DAB1: variants seen among roughly 807,000 people sequenced by gnomAD.
DAB1 encodes disabled homolog 1.
In DAB1, 15 loss-of-function variants were observed where a neutral mutation model predicts 64.6. That is an observed-to-expected ratio of 0.23 (90% CI 0.16 to 0.36). The LOEUF (loss-of-function observed/expected upper bound fraction) is 0.36, where lower values mean the gene tolerates loss of function less well. DAB1 is among the 10% of genes least tolerant of loss of function. DAB1 has a pLI of 1.00. For synonymous variants in DAB1, 235 were observed against 251.9 expected (o/e 0.93, Z 0.64); for missense variants, 596 against 706.7 (o/e 0.84, Z 1.78).
intron 6 of DAB1, among the ~76,000 whole-genome samples, chr1:57,811,009 A>G (rs1651592321): frequency 6.6e-6 from 1 of 152,192 alleles, no homozygotes; most frequent in African/African-American, 2.4e-5. Flanking sequence ...CTCTGGCCAC[A>G]TCGCTCCAAT....
intron 2 of DAB1, among the ~76,000 whole-genome samples, chr1:57,238,661 G>C (rs1668267000): frequency 6.6e-6 from 1 of 152,116 alleles, no homozygotes; most frequent in Non-Finnish European, 1.5e-5. Context: ...TTAAGCCCTA[G>C]TTAATCCCTT....
At chr1:57,596,911 T>G (rs1217533634) in intron 7 of DAB1, among the ~76,000 whole-genome samples, 1 of 152,214 alleles carries the variant, frequency 6.6e-6, no homozygotes, top group Non-Finnish European at 1.5e-5. Context: ...GCCCATTAAT[T>G]ACTAATTACC....
intron 6 of DAB1, among the ~76,000 whole-genome samples, chr1:57,753,615 G>A (rs1350595787): frequency 3.3e-5 from 5 of 152,174 alleles, no homozygotes; most frequent in Non-Finnish European, 5.9e-5. Context: ...CTGGTAGACT[G>A]TTTATCTACA....
In DAB1 at chr1:57,639,651, A is replaced by G. The variant is rs139320636; in HGVS notation, n.625+9941T>C. Among the ~76,000 whole-genome samples, 6 of 152,326 alleles carry G rather than the reference A, an allele frequency of 3.9e-5. No individual in the cohort carries two copies. In the East Asian group the frequency reaches 1.2e-3, roughly 29 times the overall value. ...AAAGGCAGCAGGTATGCCCTCTTTCATTCAACAAATACTGAGCATGCACTG... is the reference window on the plus strand; with the variant it reads ...AAAGGCAGCAGGTATGCCCTCTTTCGTTCAACAAATACTGAGCATGCACTG... On this transcript the variant is annotated intron_variant and non_coding_transcript_variant, in intron 7 of 20. Transcript: ENST00000485760.
intron 9 of DAB1, among the ~76,000 whole-genome samples, chr1:57,054,652 G>A (rs1271967252): frequency 6.6e-6 from 1 of 151,788 alleles, no homozygotes; most frequent in Non-Finnish European, 1.5e-5. Flanking sequence ...TAATTTTTTT[G>A]TATTTTTAGT....
chr1:57,051,450 G>A lies in DAB1; in HGVS notation c.723+11434C>T, dbSNP rs114831821. On this transcript the variant is annotated intron_variant, in intron 9 of 14. Transcript: ENST00000371236. ...ATTTGCCATAAAAGATGGGAGTTGTGGGGGGGAAGTAGGGAACAGTTGTCC... is the reference window on the plus strand; with the variant it reads ...ATTTGCCATAAAAGATGGGAGTTGTAGGGGGGAAGTAGGGAACAGTTGTCC... Among the ~76,000 whole-genome samples, 1,377 of 152,170 alleles carry A rather than the reference G, an allele frequency of 9.0e-3. 24 individuals are homozygous for A. The highest frequency in any genetic ancestry group is 0.032 in the African/African-American group (1,310 of 41,536).
chr1:58,452,493 C>G (rs1325389992), intron 3 of DAB1, among the ~76,000 whole-genome samples: 5 of 151,796 alleles, frequency 3.3e-5, no homozygotes, highest in African/African-American at 1.2e-4. Context: ...CACAGAGCCA[C>G]TCTGCAAAAA....
intron 1 of DAB1, among the ~76,000 whole-genome samples, chr1:57,384,471 C>A (rs944497346): frequency 6.6e-6 from 1 of 152,192 alleles, no homozygotes; most frequent in Non-Finnish European, 1.5e-5. Context: ...TACCCATATT[C>A]ATAGCAGCAT....
At chr1:57,693,773 G>A (rs1646792670) in intron 6 of DAB1, among the ~76,000 whole-genome samples, 1 of 152,152 alleles carries the variant, frequency 6.6e-6, no homozygotes, top group South Asian at 2.1e-4. Flanking sequence ...AACTCTGGAT[G>A]TGTCTGAAGG....
intron 7 of DAB1, among the ~76,000 whole-genome samples, chr1:57,492,616 G>A (rs533415720): frequency 5.1e-4 from 77 of 152,266 alleles, no homozygotes; most frequent in South Asian, 1.9e-3. Flanking sequence ...AATAGCCACC[G>A]TATTTCACAG....
intron 4 of DAB1, chr1:58,229,024 TG>T: frequency 2.7e-6 from 1 of 377,120 alleles, no homozygotes. Context: ...ACCCATGCAG[TG>T]GTGTGATCAT....
intron 4 of DAB1, among the ~76,000 whole-genome samples, chr1:57,130,027 C>T (rs1485945858): frequency 6.6e-6 from 1 of 151,680 alleles, no homozygotes; most frequent in Non-Finnish European, 1.5e-5. Flanking sequence ...AATAAATGAT[C>T]CAGGGTACCT....
chr1:57,385,980 G>A (rs1681782314), intron 1 of DAB1, among the ~76,000 whole-genome samples: 1 of 152,196 alleles, frequency 6.6e-6, no homozygotes, highest in African/African-American at 2.4e-5. Flanking sequence ...GTTAGCAACA[G>A]CAAAGGTTTC....
chr1:57,814,539 G>A (rs921749913), intron 6 of DAB1, among the ~76,000 whole-genome samples: 2 of 152,180 alleles, frequency 1.3e-5, no homozygotes, highest in African/African-American at 4.8e-5. Flanking sequence ...ACAGGACACT[G>A]CAAAGAGCAT....
At chr1:57,305,186 G>A (rs1459886349) in intron 1 of DAB1, among the ~76,000 whole-genome samples, 1 of 152,182 alleles carries the variant, frequency 6.6e-6, no homozygotes. Context: ...GAGCAGAACT[G>A]TTACCTCTTC....
intron 3 of DAB1, among the ~76,000 whole-genome samples, chr1:58,374,896 A>G (rs1330948701): frequency 7.3e-6 from 1 of 137,846 alleles, no homozygotes; most frequent in Non-Finnish European, 1.6e-5. Flanking sequence ...GGTCCTTCAC[A>G]TCCCTTGTAA....
intron 1 of DAB1, among the ~76,000 whole-genome samples, chr1:58,543,768 C>T (rs1420165764): frequency 1.3e-5 from 2 of 152,166 alleles, no homozygotes; most frequent in Non-Finnish European, 2.9e-5. Context: ...ATAATAAATG[C>T]TACCTAAAAA....
At chr1:57,321,348 C>T (rs911235919) in intron 1 of DAB1, among the ~76,000 whole-genome samples, 5 of 152,156 alleles carry the variant, frequency 3.3e-5, no homozygotes, top group African/African-American at 7.2e-5. Flanking sequence ...CAGCACCACA[C>T]GGGAAGGAGT....
intron 4 of DAB1, among the ~76,000 whole-genome samples, chr1:57,097,843 TCTC>T (rs1654309168): frequency 6.6e-6 from 1 of 152,070 alleles, no homozygotes; most frequent in Non-Finnish European, 1.5e-5. Context: ...AGTGGTGCAA[TCTC>T]AGCTCACTGC....
Sources: gnomAD v4.1 joint callset for allele counts (sites outside exome capture counted in the v4.1 genomes callset) on GRCh38, gnomAD v4.1.1 for gene constraint, MANE v1.5 for transcripts, NCBI Gene and HGNC (gene_info 2026-07-23, HGNC 2026-07-21) for gene names.